The following FAM228B variants were observed in gnomAD, a reference collection of about 807,000 sequenced individuals.
The protein encoded by FAM228B is family with sequence similarity 228 member B.
A neutral mutation model predicts 42.6 loss-of-function variants in FAM228B; 38 were observed. That is an observed-to-expected ratio of 0.89 (90% CI 0.69 to 1.17). The LOEUF (loss-of-function observed/expected upper bound fraction) is 1.17. FAM228B is among the 50% of genes most tolerant of loss of function. The pLI is 0.00. For missense variants in FAM228B, 344 were observed against 367.3 expected (o/e 0.94, Z 0.52); for synonymous variants, 109 against 122.3 (o/e 0.89, Z 0.72).
At chr2:24,119,796 A>G (rs1666038679), upstream of FAM228B, 5 of 709,926 alleles carry the variant, frequency 7.0e-6, no homozygotes, top group Non-Finnish European at 1.2e-5. Flanking sequence ...TGGAATATAT[A>G]TGGAATATAC....
At chr2:24,118,795 C>A (rs1171486255), upstream of FAM228B, among the ~76,000 whole-genome samples, 2 of 152,266 alleles carry the variant, frequency 1.3e-5, no homozygotes, top group African/African-American at 4.8e-5. Context: ...TAGGATAGTG[C>A]AGGGCACATG....
intron 4 of FAM228B, among the ~76,000 whole-genome samples, chr2:24,138,830 C>G (rs749085758): frequency 6.6e-6 from 1 of 151,224 alleles, no homozygotes; most frequent in Non-Finnish European, 1.5e-5. Flanking sequence ...CCTGTAATCC[C>G]AGCTACTTGG....
intron 2 of FAM228B, among the ~76,000 whole-genome samples, chr2:24,133,602 A>C (rs757417470): frequency 3.3e-5 from 5 of 152,238 alleles, no homozygotes; most frequent in Non-Finnish European, 7.3e-5. Context: ...CTAGAAATCA[A>C]CTGCTTCCAT....
chr2:24,099,275 A>C (rs533428940), intron 3 of FAM228B, among the ~76,000 whole-genome samples: 33 of 152,366 alleles, frequency 2.2e-4, no homozygotes, highest in African/African-American at 7.9e-4. Context: ...TGGCCAGGGC[A>C]ATCAGGCAAG....
intron 1 of FAM228B, among the ~76,000 whole-genome samples, chr2:24,078,019 A>G (rs1023042573): frequency 3.9e-5 from 6 of 152,134 alleles, no homozygotes; most frequent in African/African-American, 1.4e-4. Context: ...AGGCTAGCTG[A>G]CCTGTCTCTT....
chr2:24,154,077 A>G (rs1251937269), intron 7 of FAM228B, among the ~76,000 whole-genome samples: 4 of 152,188 alleles, frequency 2.6e-5, no homozygotes, highest in African/African-American at 9.6e-5. Flanking sequence ...TGACTGGGGA[A>G]TAGGAGAGAG....
At chr2:24,134,266 A>G (rs1666525090) in intron 2 of FAM228B, among the ~76,000 whole-genome samples, 1 of 152,176 alleles carries the variant, frequency 6.6e-6, no homozygotes, top group African/African-American at 2.4e-5. Context: ...TTCATTATGG[A>G]AGAACACGAA....
chr2:24,146,614 CCTG>C (rs892862544), intron 5 of FAM228B, 131 bp from the exon 6 acceptor site: 11 of 565,552 alleles, frequency 1.9e-5, no homozygotes, highest in Non-Finnish European at 3.4e-5. Context: ...TAATGGTAAG[CCTG>C]CTATTTGTAA....
At chr2:24,167,419 C>T (rs866034435) in intron 9 of FAM228B, among the ~76,000 whole-genome samples, 4 of 152,046 alleles carry the variant, frequency 2.6e-5, no homozygotes, top group Admixed American at 6.5e-5. Flanking sequence ...ATTATAATAC[C>T]GGAGGAGGAT....
intron 3 of FAM228B, among the ~76,000 whole-genome samples, chr2:24,100,261 G>C (rs1665579858): frequency 6.6e-6 from 1 of 152,174 alleles, no homozygotes; most frequent in Admixed American, 6.6e-5. Flanking sequence ...AGCCAAAATT[G>C]ACAAAAGGGA....
Position 24,124,348 on chromosome 2 carries a change from T to G in FAM228B, c.-14T>G. 1 of 1,511,854 alleles carries G rather than the reference T, an allele frequency of 6.6e-7. No homozygotes were observed. Among genetic ancestry groups the G allele is most frequent in the Non-Finnish European group, 8.9e-7 (1 of 1,119,932 alleles). 93.7% of individuals were successfully genotyped at this position (1,511,854 alleles called of 1,614,324 possible). A position where few individuals can be genotyped will look rare whatever the true frequency, so the allele number is the denominator to read the frequency against. On this transcript the variant is annotated 5_prime_UTR_variant, in exon 2 of 11. Transcript: ENST00000615575. ...TTTTTAGTTTTTCCAGGGGCATTGT[T>G]ATTTGTGACCACAATGAAAAATGTA... is the stretch of plus-strand genomic sequence containing the variant.
intron 3 of FAM228B, among the ~76,000 whole-genome samples, chr2:24,102,093 A>G (rs1665621273): frequency 6.6e-6 from 1 of 152,212 alleles, no homozygotes; most frequent in African/African-American, 2.4e-5. Context: ...CCTCTGAATT[A>G]TATAATAAAA....
At chr2:24,149,492 C>T (rs797012677) in intron 7 of FAM228B, among the ~76,000 whole-genome samples, 11 of 151,940 alleles carry the variant, frequency 7.2e-5, no homozygotes, top group Non-Finnish European at 1.3e-4. Context: ...CTTGCTTTAT[C>T]GCCCAGGTCA....
chr2:24,106,316 C>CGT (rs1185466331), intron 3 of FAM228B, among the ~76,000 whole-genome samples: 2 of 106,394 alleles, frequency 1.9e-5, no homozygotes, highest in Non-Finnish European at 3.7e-5. Flanking sequence ...ATTCAGCATT[C>CGT]TTTTTTTTTT....
At chr2:24,145,198 G>A (rs890435054) in intron 5 of FAM228B, among the ~76,000 whole-genome samples, 2 of 152,144 alleles carry the variant, frequency 1.3e-5, no homozygotes, top group Non-Finnish European at 2.9e-5. Flanking sequence ...CCGTAACACC[G>A]GTGCCACTGT....
intron 5 of FAM228B, among the ~76,000 whole-genome samples, chr2:24,143,176 T>C (rs1666796926): frequency 6.6e-6 from 1 of 152,102 alleles, no homozygotes; most frequent in Admixed American, 6.5e-5. Context: ...TTTTTTTTTC[T>C]TTTTTGGTTT....
rs139593059 is a variant in FAM228B at position 24,095,729 on chromosome 2, G to A, written c.-121+500G>A. 1.3e-5 allele frequency: 2 copies of A among 152,410 alleles called. No individual in the cohort carries two copies. Among genetic ancestry groups the A allele is most frequent in the Admixed American group, 6.5e-5 (1 of 15,284 alleles). The allele number at this position is 152,410 out of a possible 1,614,324, so 9.4% of individuals were successfully genotyped here. A position where few individuals can be genotyped will look rare whatever the true frequency, so the allele number is the denominator to read the frequency against. ...AACTTTTGCAGACTTAAAGGTCCCT[G>A]TCTGACAGCTCTGAAGAGAGCATTG... On this transcript the variant is annotated intron_variant, in intron 3 of 10. Transcript: ENST00000613899. The surrounding 1 kb of genome is among the most constrained non-coding windows in gnomAD (Gnocchi z 4.8).
intron 3 of FAM228B, among the ~76,000 whole-genome samples, chr2:24,136,312 C>T (rs987958754): frequency 7.2e-5 from 11 of 151,908 alleles, no homozygotes; most frequent in Non-Finnish European, 2.9e-5. Flanking sequence ...CTGCAACTTC[C>T]ACCTCCCGGG....
chr2:24,113,265 G>A (rs1294878996), intron 3 of FAM228B, among the ~76,000 whole-genome samples: 1 of 152,082 alleles, frequency 6.6e-6, no homozygotes, highest in Non-Finnish European at 1.5e-5. Context: ...AAAATTTACT[G>A]TTATCTCTTT....
Sources: gnomAD v4.1 joint callset for allele counts (sites outside exome capture counted in the v4.1 genomes callset) on GRCh38, gnomAD v4.1.1 for gene constraint, Gnocchi (gnomAD v3.1) non-coding constraint, MANE v1.5 for transcripts, NCBI Gene and HGNC (gene_info 2026-07-23, HGNC 2026-07-21) for gene names.